SGMS1: variants seen among roughly 807,000 people sequenced by gnomAD.
SGMS1 encodes the protein phosphatidylcholine:ceramide cholinephosphotransferase 1.
Under a neutral mutation model 46.2 loss-of-function variants are expected in SGMS1, and 13 were observed. The ratio of observed to expected loss-of-function variants is 0.28; its 90% CI spans 0.18 to 0.45. SGMS1 has a LOEUF of 0.45. Ranked by LOEUF, SGMS1 falls within the 20% of genes least tolerant of loss-of-function variation. The pLI is 1.00. For missense variants in SGMS1, 324 were observed against 519.9 expected (o/e 0.62, Z 3.66); for synonymous variants, 203 against 187.8 (o/e 1.08, Z -0.66).
intron 5 of SGMS1, among the ~76,000 whole-genome samples, chr10:50,437,319 A>C (rs1053739546): frequency 3.3e-5 from 5 of 152,224 alleles, no homozygotes; most frequent in Non-Finnish European, 5.9e-5. Flanking sequence ...TGTGCATGTA[A>C]CTTGGAAGCA....
At chr10:50,470,467 T>A (rs1368842431) in intron 3 of SGMS1, among the ~76,000 whole-genome samples, 3 of 151,756 alleles carry the variant, frequency 2.0e-5, no homozygotes, top group African/African-American at 4.8e-5. Context: ...TTACTCTCTC[T>A]CACACAGGAT....
At chr10:50,387,139 T>C (rs1041936522) in intron 6 of SGMS1, among the ~76,000 whole-genome samples, 26 of 152,196 alleles carry the variant, frequency 1.7e-4, no homozygotes, top group African/African-American at 5.3e-4. Context: ...ATGATGCTGA[T>C]AGAAGATTCT....
intron 3 of SGMS1, among the ~76,000 whole-genome samples, chr10:50,501,416 T>C (rs956377829): frequency 1.9e-4 from 29 of 152,358 alleles, no homozygotes; most frequent in African/African-American, 6.7e-4. Flanking sequence ...TTATATTATA[T>C]ACAAAAGTAC....
chr10:50,375,827 T>G (rs1848514859), intron 6 of SGMS1, among the ~76,000 whole-genome samples: 1 of 152,154 alleles, frequency 6.6e-6, no homozygotes, highest in African/African-American at 2.4e-5. Flanking sequence ...TAGAATGATA[T>G]GAAAATAAAA....
chr10:50,579,301 C>T (rs1362404551), intron 2 of SGMS1, among the ~76,000 whole-genome samples: 2 of 152,008 alleles, frequency 1.3e-5, no homozygotes, highest in Non-Finnish European at 2.9e-5. Flanking sequence ...GACAGTAAGT[C>T]AATATCTAAC....
intron 6 of SGMS1, among the ~76,000 whole-genome samples, chr10:50,421,171 C>T (rs1489992555): frequency 1.3e-5 from 2 of 152,096 alleles, no homozygotes; most frequent in African/African-American, 4.8e-5. Flanking sequence ...GACGGTGAAA[C>T]TACGGGTCCA....
At chr10:50,421,355 C>A (rs972610702) in intron 6 of SGMS1, among the ~76,000 whole-genome samples, 1 of 152,186 alleles carries the variant, frequency 6.6e-6, no homozygotes, top group African/African-American at 2.4e-5. Context: ...GTTGCCTTGA[C>A]ATCCACTTTA....
At chr10:50,440,434 C>T (rs1206193064) in intron 5 of SGMS1, among the ~76,000 whole-genome samples, 1 of 152,128 alleles carries the variant, frequency 6.6e-6, no homozygotes, top group African/African-American at 2.4e-5. Context: ...TCTCTCCTCA[C>T]ATGAATTTAA....
intron 2 of SGMS1, among the ~76,000 whole-genome samples, chr10:50,588,669 T>G (rs142492452): frequency 0.014 from 2,101 of 151,984 alleles, 27 homozygotes; most frequent in Non-Finnish European, 0.022. Flanking sequence ...AAGTTTAGGT[T>G]TAAAAAATCA....
intron 2 of SGMS1, among the ~76,000 whole-genome samples, chr10:50,554,732 A>G (rs1044395962): frequency 1.3e-5 from 2 of 152,224 alleles, no homozygotes; most frequent in African/African-American, 4.8e-5. Flanking sequence ...TTTAGTTCCA[A>G]GGGATATAAA....
intron 7 of SGMS1, among the ~76,000 whole-genome samples, chr10:50,329,147 A>C (rs992635103): frequency 2.0e-5 from 3 of 152,218 alleles, no homozygotes; most frequent in African/African-American, 7.2e-5. Flanking sequence ...TGATGCACAA[A>C]AGGTACACAT....
At chr10:50,434,004 C>T (rs1404854552) in intron 5 of SGMS1, among the ~76,000 whole-genome samples, 2 of 152,200 alleles carry the variant, frequency 1.3e-5, no homozygotes, top group African/African-American at 4.8e-5. Context: ...AAAGGCCTCC[C>T]TCCAGTCACA....
intron 6 of SGMS1, among the ~76,000 whole-genome samples, chr10:50,353,341 A>G (rs1358305709): frequency 3.9e-5 from 6 of 152,298 alleles, no homozygotes; most frequent in African/African-American, 1.4e-4. Flanking sequence ...CAAAAACCAC[A>G]TGATTATCTC....
intron 5 of SGMS1, among the ~76,000 whole-genome samples, chr10:50,455,317 T>C (rs1837177883): frequency 6.6e-6 from 1 of 152,228 alleles, no homozygotes; most frequent in African/African-American, 2.4e-5. Context: ...AAATTGGTCA[T>C]AATTTACCCC....
At chr10:50,417,222 C>T (rs898650850) in intron 6 of SGMS1, among the ~76,000 whole-genome samples, 1 of 152,124 alleles carries the variant, frequency 6.6e-6, no homozygotes, top group Admixed American at 6.6e-5. Context: ...TACTTGGCAT[C>T]ATACAACTGC....
At chr10:50,318,048 C>T (rs768131360) in intron 8 of SGMS1, among the ~76,000 whole-genome samples, 48 of 152,132 alleles carry the variant, frequency 3.2e-4, no homozygotes, top group Non-Finnish European at 5.9e-4. Context: ...AGGCAATGTC[C>T]ACCGCCTTGG....
At chr10:50,582,293 C>G (rs1190086628) in intron 2 of SGMS1, among the ~76,000 whole-genome samples, 1 of 152,166 alleles carries the variant, frequency 6.6e-6, no homozygotes, top group East Asian at 1.9e-4. Context: ...TGGGCCATAC[C>G]AACATCTGAG....
intron 3 of SGMS1, among the ~76,000 whole-genome samples, chr10:50,508,869 A>G (rs1330988146): frequency 6.6e-6 from 1 of 152,140 alleles, no homozygotes; most frequent in East Asian, 1.9e-4. Context: ...CTCCTTAGAG[A>G]TCTCCCCTGT....
chr10:50,477,319 C>T (rs1168012973), intron 3 of SGMS1, among the ~76,000 whole-genome samples: 3 of 152,232 alleles, frequency 2.0e-5, no homozygotes, highest in African/African-American at 4.8e-5. Context: ...TATAGGCCCT[C>T]TGTTTTGGCC....
Sources: allele counts gnomAD v4.1 joint callset (sites outside exome capture counted in the v4.1 genomes callset), GRCh38; gene constraint gnomAD v4.1.1; transcripts MANE v1.5; gene names NCBI Gene and HGNC (gene_info 2026-07-23, HGNC 2026-07-21).